ARB2A: variants seen among roughly 807,000 people sequenced by gnomAD.
ARB2A encodes the protein cotranscriptional regulator ARB2A.
At chr5:93,795,848 CAA>C in the ARB2A span, among the ~76,000 whole-genome samples, 20 of 96,868 alleles carry the variant, frequency 2.1e-4, no homozygotes, top group Non-Finnish European at 1.8e-4. Flanking sequence ...TATTGAAAAG[CAA>C]AAAAAAAAAA....
the ARB2A span, among the ~76,000 whole-genome samples, chr5:93,631,212 C>T: frequency 2.6e-5 from 4 of 152,164 alleles, no homozygotes; most frequent in Non-Finnish European, 5.9e-5. Flanking sequence ...GTGCAGTAGA[C>T]AGCCTGCCTT....
the ARB2A span, among the ~76,000 whole-genome samples, chr5:93,785,589 T>C: frequency 6.6e-6 from 1 of 152,088 alleles, no homozygotes; most frequent in African/African-American, 2.4e-5. Context: ...TTAAAATGTC[T>C]CTCTCTTAAT....
the ARB2A span, among the ~76,000 whole-genome samples, chr5:93,758,038 A>G: frequency 2.0e-5 from 3 of 152,178 alleles, no homozygotes; most frequent in Admixed American, 1.3e-4. Context: ...AACTTAAGTA[A>G]AGGGGTAGAA....
chr5:93,630,440 A>C, the ARB2A span, among the ~76,000 whole-genome samples: 1 of 152,192 alleles, frequency 6.6e-6, no homozygotes, highest in Non-Finnish European at 1.5e-5. Flanking sequence ...TTGTATTGAG[A>C]CTGTAAAGGC....
At chr5:94,049,729 G>A in the ARB2A span, among the ~76,000 whole-genome samples, 2 of 152,186 alleles carry the variant, frequency 1.3e-5, no homozygotes, top group African/African-American at 2.4e-5. Context: ...ACTGAGGCAC[G>A]AGAATCGCTT....
chr5:93,805,476 C>T, the ARB2A span: 3 of 984,994 alleles, frequency 3.0e-6, no homozygotes, highest in Non-Finnish European at 3.6e-6. Context: ...TTCCCCTGCA[C>T]AGAAGAGTCT....
the ARB2A span, among the ~76,000 whole-genome samples, chr5:93,780,692 TG>T: frequency 2.0e-5 from 3 of 152,094 alleles, no homozygotes; most frequent in Non-Finnish European, 4.4e-5. Context: ...CTTGAGTAGC[TG>T]GGATTACGGG....
the ARB2A span, among the ~76,000 whole-genome samples, chr5:93,682,010 T>C: frequency 1.3e-5 from 2 of 152,192 alleles, no homozygotes; most frequent in Non-Finnish European, 1.5e-5. Flanking sequence ...ATATTGAAAT[T>C]CCATTATTTA....
At chr5:93,998,495 TC>T in the ARB2A span, among the ~76,000 whole-genome samples, 1 of 152,038 alleles carries the variant, frequency 6.6e-6, no homozygotes, top group African/African-American at 2.4e-5. Flanking sequence ...AAACTACATT[TC>T]ATGCAAATTA....
At chr5:93,621,342 A>T in the ARB2A span, among the ~76,000 whole-genome samples, 1 of 151,892 alleles carries the variant, frequency 6.6e-6, no homozygotes, top group East Asian at 2.0e-4. Flanking sequence ...CCCAGGGCAC[A>T]ACTAGGGCTG....
the ARB2A span, among the ~76,000 whole-genome samples, chr5:94,090,209 G>A: frequency 6.6e-6 from 1 of 152,108 alleles, no homozygotes; most frequent in African/African-American, 2.4e-5. Flanking sequence ...CTTGAGCAGT[G>A]GTTTGTAGTT....
At chr5:93,738,907 T>C in the ARB2A span, 1 of 152,334 alleles carries the variant, frequency 6.6e-6, no homozygotes, top group Non-Finnish European at 1.5e-5. Flanking sequence ...TGTCACTGAA[T>C]TTACACTTAA....
chr5:93,804,487 T>C, the ARB2A span, among the ~76,000 whole-genome samples: 1 of 151,886 alleles, frequency 6.6e-6, no homozygotes, highest in East Asian at 1.9e-4. Flanking sequence ...TATAACTGTA[T>C]TATACTTTCA....
chr5:93,937,666 G>T, the ARB2A span, among the ~76,000 whole-genome samples: 1 of 151,342 alleles, frequency 6.6e-6, no homozygotes, highest in Admixed American at 6.6e-5. Context: ...ACATATAATT[G>T]TGTGTGTGTT....
the ARB2A span, among the ~76,000 whole-genome samples, chr5:94,071,586 T>G: frequency 2.0e-5 from 3 of 151,998 alleles, no homozygotes; most frequent in Non-Finnish European, 4.4e-5. Context: ...AAAATACGAA[T>G]AGGTATTTTA....
chr5:93,683,504 A>G, the ARB2A span: 253 of 1,573,808 alleles, frequency 1.6e-4, no homozygotes, highest in Middle Eastern at 1.5e-3. Context: ...TGTTACTTTA[A>G]TTGGACTGCC....
At chr5:94,082,378 T>C in the ARB2A span, among the ~76,000 whole-genome samples, 1 of 152,158 alleles carries the variant, frequency 6.6e-6, no homozygotes, top group Non-Finnish European at 1.5e-5. Flanking sequence ...ATCCCAGACA[T>C]TGTACCAAAT....
At chr5:93,985,746 G>A in the ARB2A span, among the ~76,000 whole-genome samples, 17 of 152,306 alleles carry the variant, frequency 1.1e-4, no homozygotes, top group Middle Eastern at 0.024. Flanking sequence ...CCAGGCTGGA[G>A]TGCAGTGGCG....
the ARB2A span, among the ~76,000 whole-genome samples, chr5:94,104,104 A>G: frequency 6.6e-6 from 1 of 151,720 alleles, no homozygotes; most frequent in Non-Finnish European, 1.5e-5. Flanking sequence ...AGCAACCAAA[A>G]AAAAAAAAAG....
Sources: gnomAD v4.1 joint callset for allele counts (sites outside exome capture counted in the v4.1 genomes callset) on GRCh38, gnomAD v4.1.1 for gene constraint, MANE v1.5 for transcripts, NCBI Gene and HGNC (gene_info 2026-07-23, HGNC 2026-07-21) for gene names.